The following KDM4B variants were observed in gnomAD, a reference collection of about 807,000 sequenced individuals.
The protein encoded by KDM4B is lysine-specific demethylase 4B.
KDM4B carries 32 observed loss-of-function variants against 125.2 expected under a neutral mutation model. That is an observed-to-expected ratio of 0.26 (90% CI 0.19 to 0.34). The LOEUF is 0.34. KDM4B is among the 10% of genes least tolerant of loss of function. The pLI, the probability that KDM4B is intolerant of heterozygous loss-of-function variation, is 1.00. For synonymous variants in KDM4B, 721 were observed against 677.9 expected (o/e 1.06, Z -0.99); for missense variants, 1,190 against 1,577.7 (o/e 0.75, Z 4.16).
chr19:5,110,772 T>C lies in KDM4B; in HGVS notation c.1069T>C (p.Ser357Pro). Residue 357 changes from serine (S) to proline (P), a missense_variant, in exon 10 of 23, where the codon TCC becomes CCC. Coordinates refer to ENST00000159111, the MANE Select transcript of KDM4B (RefSeq NM_015015.3). ...PTALTSPELS[S>P]WSASRASLKA... ...GGCGCTCACCAGCCCCGAGCTGAGC[T>C]CCTGGAGTGCATCCCGGGCCTCGCT... is the stretch of plus-strand genomic sequence containing the variant. 3 of 1,607,920 alleles carry C rather than the reference T, an allele frequency of 1.9e-6. No individual in the cohort carries two copies. Among genetic ancestry groups the C allele is most frequent in the Non-Finnish European group, 2.5e-6 (3 of 1,177,410 alleles).
chr19:4,979,331 G>A (rs1208751971), intron 1 of KDM4B, among the ~76,000 whole-genome samples: 1 of 152,188 alleles, frequency 6.6e-6, no homozygotes, highest in African/African-American at 2.4e-5. Context: ...GCAGTGCAGT[G>A]CGCCGGGAGG....
At chr19:5,080,091 C>T (rs763964569) in intron 8 of KDM4B, among the ~76,000 whole-genome samples, 13 of 152,260 alleles carry the variant, frequency 8.5e-5, no homozygotes, top group Admixed American at 4.6e-4. Flanking sequence ...CGTTCTGCTG[C>T]ACGTGGCTGT....
At chr19:5,111,688 G>T in intron 10 of KDM4B, 1 of 740,360 alleles carries the variant, frequency 1.4e-6, no homozygotes, top group African/African-American at 1.7e-5. Flanking sequence ...ATGAGCTGGA[G>T]CCGGGAGGGA....
chr19:5,151,493 G>T lies in KDM4B; in HGVS notation c.3273G>T (p.Arg1091=). 1 of 1,448,640 alleles carries T rather than the reference G, an allele frequency of 6.9e-7. No individual in the cohort carries two copies. The highest frequency in any genetic ancestry group is 2.5e-5 in the Admixed American group (1 of 39,216). 89.7% of individuals were successfully genotyped at this position (1,448,640 alleles called of 1,614,324 possible). ...AGAGCCTCCTGCAGGTGCAGGGCCGGCCCGGAGCCCCCTTCTAGGACAGCT... is the reference window on the plus strand; with the variant it reads ...AGAGCCTCCTGCAGGTGCAGGGCCGTCCCGGAGCCCCCTTCTAGGACAGCT... ...FVESLLQVQG[R]PGAPF is the part of the protein sequence containing the mutation. Residue 1091 remains arginine, a synonymous_variant, in exon 23 of 23, where the codon CGG becomes CGT. Transcript: ENST00000159111.
At chr19:4,979,601 G>A (rs552396933) in intron 1 of KDM4B, among the ~76,000 whole-genome samples, 51 of 152,282 alleles carry the variant, frequency 3.3e-4, no homozygotes, top group African/African-American at 1.0e-3. Flanking sequence ...CCCCGTCCTC[G>A]AGGAGCTCAG....
At chr19:5,015,017 C>G (rs1045380000) in intron 1 of KDM4B, among the ~76,000 whole-genome samples, 1 of 149,918 alleles carries the variant, frequency 6.7e-6, no homozygotes, top group Admixed American at 6.6e-5. Flanking sequence ...AAAAGTACAA[C>G]AAAACCAGGG....
chr19:5,056,058 T>C (rs1394905449), intron 6 of KDM4B, among the ~76,000 whole-genome samples: 2 of 152,212 alleles, frequency 1.3e-5, no homozygotes, highest in Admixed American at 6.5e-5. Flanking sequence ...CCCTGGGCTA[T>C]TACGGTGTGT....
rs768283280 is a variant in KDM4B at position 5,135,473 on chromosome 19, G to A, written c.2220G>A (p.Thr740=). The change falls in exon 15 of 23, where the codon ACG becomes ACA. Residue 740 remains threonine, a synonymous_variant. Coordinates refer to ENST00000159111, the MANE Select transcript of KDM4B (RefSeq NM_015015.3). ...GCTTCACCTCTGGCGGTGAGAACACGGAGCCGCTGCCTGCCAACTCCTACA... is the reference window on the plus strand; with the variant it reads ...GCTTCACCTCTGGCGGTGAGAACACAGAGCCGCTGCCTGCCAACTCCTACA... ...EMCFTSGGEN[T]EPLPANSYIG... 27 of 1,613,148 alleles carry A rather than the reference G, an allele frequency of 1.7e-5. No individual in the cohort carries two copies. The highest frequency in any genetic ancestry group is 1.6e-4 in the Middle Eastern group (1 of 6,084).
intron 6 of KDM4B, among the ~76,000 whole-genome samples, chr19:5,057,448 C>T (rs1466456323): frequency 1.3e-5 from 2 of 152,178 alleles, no homozygotes; most frequent in Non-Finnish European, 2.9e-5. Context: ...CGTGGACGGA[C>T]ATTTGGGCTG....
chr19:5,013,807 A>G (rs777766802), intron 1 of KDM4B, among the ~76,000 whole-genome samples: 22 of 152,196 alleles, frequency 1.4e-4, no homozygotes, highest in Non-Finnish European at 2.9e-4. Flanking sequence ...GGGGGTTAGG[A>G]TGGGGACATC....
Position 5,043,955 on chromosome 19 carries a change from G to C in KDM4B, c.432+2704G>C, listed in dbSNP as rs527736737. ...GGAGTGGGGGTGTCCACTGTATCCCGCGTGGTGGTTATCGGAGTGGGGGTG... is the reference window on the plus strand; with the variant it reads ...GGAGTGGGGGTGTCCACTGTATCCCCCGTGGTGGTTATCGGAGTGGGGGTG... On this transcript the variant is annotated intron_variant, in intron 5 of 22. Coordinates refer to ENST00000159111, the MANE Select transcript of KDM4B (RefSeq NM_015015.3). Among the ~76,000 whole-genome samples the C allele has an allele frequency of 4.0e-4, 55 of 138,950 alleles. 1 individual carries two copies. Among genetic ancestry groups the C allele is most frequent in the Middle Eastern group, 4.3e-3 (1 of 234 alleles). The allele number at this position is 138,950 out of a possible 152,430, so 91.2% of individuals were successfully genotyped here.
At chr19:5,128,156 G>T (rs1038613811) in intron 11 of KDM4B, among the ~76,000 whole-genome samples, 3 of 152,188 alleles carry the variant, frequency 2.0e-5, no homozygotes, top group Non-Finnish European at 2.9e-5. Flanking sequence ...CCACAGCCCC[G>T]GCTGGAGTCC....
intron 6 of KDM4B, among the ~76,000 whole-genome samples, chr19:5,056,265 G>T (rs546011482): frequency 6.6e-6 from 1 of 152,310 alleles, no homozygotes; most frequent in East Asian, 1.9e-4. Context: ...AGCCATCAGC[G>T]TGATGTCACT....
chr19:5,013,799 G>T (rs1489883933), intron 1 of KDM4B, among the ~76,000 whole-genome samples: 2 of 152,236 alleles, frequency 1.3e-5, no homozygotes, highest in African/African-American at 4.8e-5. Flanking sequence ...CAGGGTCTGG[G>T]GGTTAGGATG....
intron 6 of KDM4B, among the ~76,000 whole-genome samples, chr19:5,056,118 C>T (rs36094704): frequency 0.067 from 10,245 of 152,258 alleles, 445 homozygotes; most frequent in Middle Eastern, 0.13. Flanking sequence ...GTTTATAGAA[C>T]GTCCCCTAAT....
At position 5,081,219 on chromosome 19, in the gene KDM4B, C is replaced by T. The variant is rs1218691531; in HGVS notation, c.781-1148C>T. ...TCTAGTTCATGAGCCTCAGTTTCCA[C>T]GTCTGTGGATTGGGCCCACAGCCCC... On this transcript the variant is annotated intron_variant, in intron 8 of 22. Coordinates refer to ENST00000159111, the MANE Select transcript of KDM4B (RefSeq NM_015015.3). This position sits in a 1 kb window ranked among gnomAD's most constrained non-coding sequence, Gnocchi z 4.2. 6.6e-6 allele frequency among the ~76,000 whole-genome samples: 1 copy of T among 152,214 alleles called. No homozygotes were observed. Among genetic ancestry groups the T allele is most frequent in the Admixed American group, 6.5e-5 (1 of 15,284 alleles).
At position 5,047,923 on chromosome 19, in the gene KDM4B, G is replaced by C. The variant is rs189196823; in HGVS notation, c.626+254G>C. The stretch of plus-strand genomic sequence containing the variant: ...TTTGTACCCCGGAGTGCCCCCCATT[G>C]AGCTGTGAGCGGCCCCAGGTGTCCC... On this transcript the variant is annotated intron_variant, in intron 6 of 22. Transcript: ENST00000159111. Among the ~76,000 whole-genome samples, 26 of 152,304 alleles carry C rather than the reference G, an allele frequency of 1.7e-4. No homozygotes were observed. In the East Asian group the frequency reaches 5.0e-3, roughly 29 times the overall value.
intron 7 of KDM4B, among the ~76,000 whole-genome samples, chr19:5,071,786 G>A (rs1178359459): frequency 1.3e-5 from 2 of 151,992 alleles, no homozygotes; most frequent in Non-Finnish European, 2.9e-5. Context: ...TGTCAGCGCC[G>A]GCATCACAGC....
At chr19:5,091,559 A>G (rs1263983067) in intron 9 of KDM4B, among the ~76,000 whole-genome samples, 1 of 152,172 alleles carries the variant, frequency 6.6e-6, no homozygotes, top group East Asian at 1.9e-4. Context: ...CTCCGGCAGG[A>G]ACCAGGCCTC....
Sources: allele counts gnomAD v4.1 joint callset (sites outside exome capture counted in the v4.1 genomes callset), GRCh38; gene constraint gnomAD v4.1.1; non-coding constraint Gnocchi (gnomAD v3.1); transcripts MANE v1.5; gene names NCBI Gene and HGNC (gene_info 2026-07-23, HGNC 2026-07-21).